The following LGALS13 variants were observed in gnomAD, a reference collection of about 807,000 sequenced individuals.
The protein encoded by LGALS13 is galactoside-binding soluble lectin 13.
LGALS13 carries 11 observed loss-of-function variants against 13.2 expected under a neutral mutation model. The ratio of observed to expected loss-of-function variants is 0.83; its 90% CI spans 0.52 to 1.38. The LOEUF is 1.38. Ranked by LOEUF, LGALS13 falls within the 40% of genes most tolerant of loss-of-function variation. The pLI, the probability that LGALS13 is intolerant of heterozygous loss-of-function variation, is 0.00. For synonymous variants in LGALS13, 71 were observed against 63.7 expected (o/e 1.11, Z -0.54); for missense variants, 183 against 174.3 (o/e 1.05, Z -0.28).
chr19:39,602,912 T>C (rs1231699576), intron 1 of LGALS13, among the ~76,000 whole-genome samples: 3 of 149,834 alleles, frequency 2.0e-5, no homozygotes, highest in Non-Finnish European at 4.4e-5. Flanking sequence ...GTGAGTCGGC[T>C]TTGTTTCCTG....
chr19:39,604,963 G>C, intron 2 of LGALS13: 1 of 666,086 alleles, frequency 1.5e-6, no homozygotes. Context: ...GCCCAGGTCA[G>C]TGACTGTGGC....
At chr19:39,604,909 C>G (rs1461746183) in intron 2 of LGALS13, among the ~76,000 whole-genome samples, 2 of 152,170 alleles carry the variant, frequency 1.3e-5, no homozygotes, top group African/African-American at 2.4e-5. Flanking sequence ...GGCTGTGGCT[C>G]TTTATCAGGG....
At chr19:39,607,093 A>G in intron 3 of LGALS13, 130 bp from the exon 4 acceptor site, 1 of 749,314 alleles carries the variant, frequency 1.3e-6, no homozygotes, top group Non-Finnish European at 2.5e-6. Context: ...ACATAAGTGT[A>G]TCTAATACGT....
rs768367064 is a variant in LGALS13, at chr19:39,604,637, T to C, written c.51T>C (p.Gly17=). Residue 17 remains glycine (G), a synonymous_variant, in exon 2 of 4, where the codon GGT becomes GGC. Transcript: ENST00000221797. ...AACTGCCTGTGTCTTTGTCTGTTGGTTCCTGCGTGATAATCAAAGGGACAC... is the reference window on the plus strand; with the variant it reads ...AACTGCCTGTGTCTTTGTCTGTTGGCTCCTGCGTGATAATCAAAGGGACAC... The part of the protein sequence containing the change: ...PYKLPVSLSV[G]SCVIIKGTPI... The C allele has an allele frequency of 6.2e-7, 1 of 1,614,204 alleles. No homozygotes were observed. The highest frequency in any genetic ancestry group is 1.1e-5 in the South Asian group (1 of 91,080).
chr19:39,604,747 C>T, intron 2 of LGALS13, 69 bp downstream of exon 2: 1 of 1,570,582 alleles, frequency 6.4e-7, no homozygotes, highest in African/African-American at 1.3e-5. Context: ...TTTGACCTTA[C>T]ATGTGGGTGA....
In LGALS13 at chr19:39,607,223, A is replaced by G. The variant is rs1972704295; in HGVS notation, c.304A>G (p.Ile102Val). 1.9e-6 allele frequency: 3 copies of G among 1,612,480 alleles called. No homozygotes were observed. The highest frequency in any genetic ancestry group is 1.3e-5 in the African/African-American group (1 of 74,904). Residue 102 changes from isoleucine (I) to valine (V), a missense_variant and splice_region_variant, in exon 4 of 4, where the codon ATA becomes GTA. Transcript: ENST00000221797. ...CIYVHYNEYE[I>V]KVNGIRIYGF... ...TTCTGATGCATTTTTCCTCTTGTAG[A>G]TAAAGGTCAATGGCATACGCATTTA...
At chr19:39,602,911 C>A (rs1318867242) in intron 1 of LGALS13, among the ~76,000 whole-genome samples, 3 of 152,084 alleles carry the variant, frequency 2.0e-5, no homozygotes, top group Non-Finnish European at 4.4e-5. Flanking sequence ...GGTGAGTCGG[C>A]TTTGTTTCCT....
At chr19:39,602,894 G>C (rs1600798136) in intron 1 of LGALS13, among the ~76,000 whole-genome samples, 1 of 152,242 alleles carries the variant, frequency 6.6e-6, no homozygotes, top group East Asian at 1.9e-4. Context: ...TGAATGGAGA[G>C]TAAAGGGGTG....
At position 39,606,242 on chromosome 19, in the gene LGALS13, C is replaced by T. The variant is rs190545687; in HGVS notation, c.303+854C>T. ...CTGGTATAAGTTGCTCTACACATTACGCTTCAAGAACTAAGTTGATTTGTT... is the reference window on the plus strand; with the variant it reads ...CTGGTATAAGTTGCTCTACACATTATGCTTCAAGAACTAAGTTGATTTGTT... On this transcript the variant is annotated intron_variant, in intron 3 of 3. Transcript: ENST00000221797. Among the ~76,000 whole-genome samples the T allele has an allele frequency of 2.6e-5, 4 of 152,312 alleles. No individual in the cohort carries two copies. The East Asian group carries it at 5.8e-4, about 22-fold the overall frequency.
At chr19:39,603,549 G>A (rs1972633918) in intron 1 of LGALS13, among the ~76,000 whole-genome samples, 1 of 151,824 alleles carries the variant, frequency 6.6e-6, no homozygotes, top group Non-Finnish European at 1.5e-5. Context: ...GGAGCTTACA[G>A]TGGATATTAA....
intron 1 of LGALS13, chr19:39,603,998 C>T: frequency 1.0e-6 from 1 of 985,080 alleles, no homozygotes; most frequent in Non-Finnish European, 1.2e-6. Flanking sequence ...GGAAGGATGT[C>T]CATGGCCCTT....
At chr19:39,603,513 A>G (rs916857541) in intron 1 of LGALS13, among the ~76,000 whole-genome samples, 1 of 151,676 alleles carries the variant, frequency 6.6e-6, no homozygotes, top group African/African-American at 2.4e-5. Context: ...CACCCATGAA[A>G]GAACAAGTTA....
chr19:39,604,122 A>C, intron 1 of LGALS13: 1 of 398,110 alleles, frequency 2.5e-6, no homozygotes, highest in Non-Finnish European at 3.4e-6. Context: ...AAATTCTTAC[A>C]TTTACAAGTC....
chr19:39,606,355 C>G (rs1344379655), intron 3 of LGALS13, among the ~76,000 whole-genome samples: 1 of 152,038 alleles, frequency 6.6e-6, no homozygotes, highest in Non-Finnish European at 1.5e-5. Flanking sequence ...AGAAGTTTAC[C>G]CAAAGTTGTG....
chr19:39,605,507 C>T (rs1972674763), intron 3 of LGALS13, 119 bp downstream of exon 3: 5 of 827,608 alleles, frequency 6.0e-6, no homozygotes, highest in African/African-American at 3.4e-5. Context: ...TACTCCTGCC[C>T]CTGGTTTTCA....
Position 39,605,360 on chromosome 19 carries a change from G to T in LGALS13, c.275G>T (p.Cys92Phe). 6.2e-7 allele frequency: 1 copy of T among 1,614,182 alleles called. No homozygotes were observed. The highest frequency in any genetic ancestry group is 8.5e-7 in the Non-Finnish European group (1 of 1,180,038). Reference sequence around the variant, plus strand: ...GAGGATGGCAAACAATTTGAGCTGTGCATCTACGTACATTACAATGAGTAT... The same window carrying T: ...GAGGATGGCAAACAATTTGAGCTGTTCATCTACGTACATTACAATGAGTAT... ...PFEDGKQFELCIYVHYNEYEI... is the reference protein window; with the variant it reads ...PFEDGKQFELFIYVHYNEYEI... The change falls in exon 3 of 4, where the codon TGC becomes TTC. Residue 92 changes from cysteine (C) to phenylalanine (F), a missense_variant. Transcript: ENST00000221797.
At chr19:39,605,105 AT>A in intron 2 of LGALS13, 72 bp from the exon 3 acceptor site, 1 of 1,251,766 alleles carries the variant, frequency 8.0e-7, no homozygotes. Flanking sequence ...GGGGGAAGGG[AT>A]TTGTGTGTGT....
intron 1 of LGALS13, 109 bp from the exon 2 acceptor site, chr19:39,604,493 C>A: frequency 8.3e-7 from 1 of 1,210,016 alleles, no homozygotes; most frequent in Non-Finnish European, 1.2e-6. Context: ...GAGGAGAGTC[C>A]ACAGAGTCTG....
At chr19:39,604,731 C>T (rs376517148) in intron 2 of LGALS13, 53 bp downstream of exon 2, 99 of 1,600,234 alleles carry the variant, frequency 6.2e-5, no homozygotes, top group Non-Finnish European at 7.8e-5. Context: ...AGAATATTTG[C>T]GAAGATTTGA....
Sources: allele counts gnomAD v4.1 joint callset (sites outside exome capture counted in the v4.1 genomes callset), GRCh38; gene constraint gnomAD v4.1.1; transcripts MANE v1.5; gene names NCBI Gene and HGNC (gene_info 2026-07-23, HGNC 2026-07-21).